The following HDAC4 variants were observed in gnomAD, a reference collection of about 807,000 sequenced individuals.
The protein encoded by HDAC4 is histone deacetylase A.
In HDAC4, 16 loss-of-function variants were observed where a neutral mutation model predicts 135.1. The observed-to-expected ratio is 0.12, with a 90% CI of 0.08 to 0.18. The LOEUF is 0.18. Ranked by LOEUF, HDAC4 falls within the 10% of genes least tolerant of loss-of-function variation. The probability of loss-of-function intolerance (pLI) is 1.00; values close to 1 mark genes in which losing one functional copy is unlikely to be tolerated. For missense variants in HDAC4, 1,143 were observed against 1,511.8 expected (o/e 0.76, Z 4.05); for synonymous variants, 685 against 653.4 (o/e 1.05, Z -0.74).
At chr2:239,123,279 C>T (rs950893556) in intron 12 of HDAC4, among the ~76,000 whole-genome samples, 6 of 152,350 alleles carry the variant, frequency 3.9e-5, no homozygotes, top group African/African-American at 7.2e-5. Flanking sequence ...GGCAGGCGCC[C>T]GACACGCCCA....
intron 2 of HDAC4, among the ~76,000 whole-genome samples, chr2:239,340,102 T>C (rs1169406054): frequency 1.3e-5 from 2 of 152,190 alleles, no homozygotes; most frequent in African/African-American, 4.8e-5. Context: ...GGATGGTCCC[T>C]GCAGCAGTTG....
intron 2 of HDAC4, among the ~76,000 whole-genome samples, chr2:239,264,565 C>T (rs2049596054): frequency 6.6e-6 from 1 of 152,196 alleles, no homozygotes; most frequent in Non-Finnish European, 1.5e-5. Context: ...GAGCCGAGGC[C>T]CTCCTGATCC....
intron 2 of HDAC4, among the ~76,000 whole-genome samples, chr2:239,310,840 C>T (rs1294609442): frequency 6.6e-6 from 1 of 152,172 alleles, no homozygotes. Context: ...AGGCTTCAAC[C>T]CTTCCACTGG....
At chr2:239,236,868 T>C (rs1559266793) in intron 2 of HDAC4, among the ~76,000 whole-genome samples, 2 of 152,226 alleles carry the variant, frequency 1.3e-5, no homozygotes, top group Non-Finnish European at 2.9e-5. Context: ...TACTGAGATA[T>C]GGCAAACGCC....
At chr2:239,078,404 G>C (rs200003310) in intron 22 of HDAC4, among the ~76,000 whole-genome samples, 1 of 54,082 alleles carries the variant, frequency 1.8e-5, no homozygotes, top group South Asian at 5.1e-4. Context: ...CATTGTCCCC[G>C]GGGGGCCCCC....
At chr2:239,339,950 C>G (rs1692196083) in intron 2 of HDAC4, among the ~76,000 whole-genome samples, 1 of 152,224 alleles carries the variant, frequency 6.6e-6, no homozygotes, top group African/African-American at 2.4e-5. Flanking sequence ...TGACTGCTTC[C>G]CTCAGCAGAA....
intron 3 of HDAC4, among the ~76,000 whole-genome samples, chr2:239,226,385 C>A (rs956748470): frequency 6.6e-6 from 1 of 152,126 alleles, no homozygotes; most frequent in Non-Finnish European, 1.5e-5. Flanking sequence ...TGTATCAACA[C>A]GGTTGAGGGG....
intron 3 of HDAC4, among the ~76,000 whole-genome samples, chr2:239,216,403 A>T (rs989178919): frequency 2.0e-5 from 3 of 152,110 alleles, no homozygotes; most frequent in Admixed American, 6.5e-5. Context: ...ACAACTGGCG[A>T]TGAGGAGGAA....
intron 16 of HDAC4, among the ~76,000 whole-genome samples, chr2:239,097,693 G>A (rs750034440): frequency 2.0e-4 from 30 of 152,202 alleles, no homozygotes; most frequent in Admixed American, 1.6e-3. Flanking sequence ...GAGCTAGTGC[G>A]CAGGTGGAAC....
At chr2:239,397,175 T>C (rs1696616709) in intron 1 of HDAC4, among the ~76,000 whole-genome samples, 1 of 152,234 alleles carries the variant, frequency 6.6e-6, no homozygotes, top group East Asian at 1.9e-4. Flanking sequence ...CAAGCTGAAC[T>C]TCAGCTTCAA....
chr2:239,250,956 C>A (rs116017630), intron 2 of HDAC4, among the ~76,000 whole-genome samples: 1 of 152,212 alleles, frequency 6.6e-6, no homozygotes, highest in Non-Finnish European at 1.5e-5. Flanking sequence ...CCCCGCCACA[C>A]GCCTGGTTCA....
intron 1 of HDAC4, among the ~76,000 whole-genome samples, chr2:239,392,762 G>C (rs1173836462): frequency 6.6e-6 from 1 of 152,214 alleles, no homozygotes; most frequent in Non-Finnish European, 1.5e-5. Context: ...GAGGACTGAG[G>C]CTCAGGGGCC....
intron 3 of HDAC4, among the ~76,000 whole-genome samples, chr2:239,208,075 C>A (rs1210916560): frequency 6.6e-6 from 1 of 151,910 alleles, no homozygotes; most frequent in Non-Finnish European, 1.5e-5. Flanking sequence ...GTAATCCCAG[C>A]ACTTTGGGAG....
rs750488115 is a variant in HDAC4 at position 239,053,572 on chromosome 2, T to C, written c.3118A>G (p.Thr1040Ala). 5 of 1,613,738 alleles carry C rather than the reference T, an allele frequency of 3.1e-6. No individual in the cohort carries two copies. The African/African-American group carries it at 5.3e-5, about 17-fold the overall frequency. ...SKYWRCLQRT[T>A]STAGRSLIEA... is the part of the protein sequence containing the mutation. ...ATCAGAGAACGCCCCGCTGTGGAGGTTGTGCGCTGCAGGCAGCGCCAGTAC... is the reference window on the plus strand; with the variant it reads ...ATCAGAGAACGCCCCGCTGTGGAGGCTGTGCGCTGCAGGCAGCGCCAGTAC... Residue 1040 changes from threonine (T) to alanine (A), a missense_variant, in exon 26 of 27, where the codon ACC becomes GCC. Physicochemically the swap from Thr to Ala is moderately conservative, Grantham distance 58. This residue lies in a region of HDAC4 where 131 missense variants were observed against 130.6 expected (regional missense o/e 1.00). Coordinates refer to ENST00000543185, the MANE Select transcript of HDAC4 (RefSeq NM_001378414.1).
In HDAC4 at chr2:239,377,968, T is replaced by C. The variant is rs141318124; in HGVS notation, c.-220+23010A>G. Among the ~76,000 whole-genome samples, 13 of 152,262 alleles carry C rather than the reference T, an allele frequency of 8.5e-5. No individual in the cohort carries two copies. In the East Asian group the frequency reaches 2.3e-3, roughly 27 times the overall value. On this transcript the variant is annotated intron_variant, in intron 1 of 26. Coordinates refer to ENST00000543185, the MANE Select transcript of HDAC4 (RefSeq NM_001378414.1). Reference sequence around the variant, plus strand: ...AATTTTCCCTGAAATAGGAGTTCTATGGACATCAAAATGCCTGGTTTTCAA... The same window carrying C: ...AATTTTCCCTGAAATAGGAGTTCTACGGACATCAAAATGCCTGGTTTTCAA...
chr2:239,060,823 G>C (rs1015954768), intron 24 of HDAC4, among the ~76,000 whole-genome samples: 1 of 152,240 alleles, frequency 6.6e-6, no homozygotes, highest in East Asian at 1.9e-4. Context: ...GCCCCGGCCC[G>C]GGCCCGTGTG....
intron 9 of HDAC4, among the ~76,000 whole-genome samples, chr2:239,137,264 C>T (rs935080242): frequency 6.6e-6 from 1 of 152,252 alleles, no homozygotes; most frequent in African/African-American, 2.4e-5. Context: ...CGCCCCCGGA[C>T]CGCATCTCAG....
chr2:239,192,588 G>A (rs1292561799), intron 3 of HDAC4, among the ~76,000 whole-genome samples: 1 of 152,128 alleles, frequency 6.6e-6, no homozygotes, highest in Non-Finnish European at 1.5e-5. Context: ...TGTGGGCACT[G>A]GGGGCTACGG....
intron 12 of HDAC4, among the ~76,000 whole-genome samples, chr2:239,118,562 C>A (rs1032668876): frequency 6.6e-6 from 1 of 152,158 alleles, no homozygotes; most frequent in Non-Finnish European, 1.5e-5. Context: ...AGTTCCGGGA[C>A]CTGATGCACA....
Sources: allele counts gnomAD v4.1 joint callset (sites outside exome capture counted in the v4.1 genomes callset), GRCh38; gene constraint gnomAD v4.1.1; regional missense constraint gnomAD v4.1.1; transcripts MANE v1.5; gene names NCBI Gene and HGNC (gene_info 2026-07-23, HGNC 2026-07-21).